ST6GALNAC3: variants seen among roughly 807,000 people sequenced by gnomAD.
ST6GALNAC3 encodes the protein alpha-N-acetylgalactosaminide alpha-2,6-sialyltransferase 3.
In ST6GALNAC3, 25 loss-of-function variants were observed where a neutral mutation model predicts 32.7. The observed-to-expected ratio is 0.76, with a 90% CI of 0.56 to 1.07. ST6GALNAC3 has a LOEUF of 1.07. ST6GALNAC3 is among the 50% of genes least tolerant of loss of function. The pLI is 0.00. For synonymous variants in ST6GALNAC3, 129 were observed against 133.1 expected (o/e 0.97, Z 0.21); for missense variants, 355 against 382.4 (o/e 0.93, Z 0.60).
Position 76,255,286 on chromosome 1 carries a change from G to T in ST6GALNAC3, c.19-58519G>T, listed in dbSNP as rs1570595610. Among the ~76,000 whole-genome samples, 2 of 152,074 alleles carry T rather than the reference G, an allele frequency of 1.3e-5. 1 individual carries two copies. The highest frequency in any genetic ancestry group is 4.2e-4 in the South Asian group (2 of 4,818). The stretch of plus-strand genomic sequence containing the variant: ...TGTTTGCGCTTGGGAGGAATACAAA[G>T]TATTTTCAATACATGGCTAGCATGA... On this transcript the variant is annotated intron_variant, in intron 1 of 4. Coordinates refer to ENST00000328299, the MANE Select transcript of ST6GALNAC3 (RefSeq NM_152996.4).
chr1:76,475,129 G>A (rs1392179794), intron 3 of ST6GALNAC3, among the ~76,000 whole-genome samples: 1 of 152,144 alleles, frequency 6.6e-6, no homozygotes, highest in Non-Finnish European at 1.5e-5. Context: ...AGTCAGGATT[G>A]CTACTTCCCA....
At chr1:76,477,817 A>G (rs1412951332) in intron 3 of ST6GALNAC3, among the ~76,000 whole-genome samples, 1 of 152,176 alleles carries the variant, frequency 6.6e-6, no homozygotes, top group Non-Finnish European at 1.5e-5. Context: ...TGCCAGACAC[A>G]GTTCTAAGTA....
chr1:76,129,896 G>A (rs191355071), intron 1 of ST6GALNAC3, among the ~76,000 whole-genome samples: 8 of 152,170 alleles, frequency 5.3e-5, no homozygotes, highest in South Asian at 4.1e-4. Flanking sequence ...TACCCCTCAC[G>A]ATAGGTCATC....
At chr1:76,269,267 G>A (rs1658706720) in intron 1 of ST6GALNAC3, among the ~76,000 whole-genome samples, 1 of 152,062 alleles carries the variant, frequency 6.6e-6, no homozygotes. Context: ...TCCTTTTAGG[G>A]ATTGTATGGA....
At chr1:76,216,164 C>G (rs1418584386) in intron 1 of ST6GALNAC3, among the ~76,000 whole-genome samples, 1 of 152,146 alleles carries the variant, frequency 6.6e-6, no homozygotes, top group Non-Finnish European at 1.5e-5. Context: ...CTCCAGATAT[C>G]TGGACAATTT....
At chr1:76,556,141 T>A (rs548333829) in intron 3 of ST6GALNAC3, among the ~76,000 whole-genome samples, 18 of 152,284 alleles carry the variant, frequency 1.2e-4, no homozygotes, top group African/African-American at 4.3e-4. Context: ...TGGCCTTTTG[T>A]GTCCAGCTTC....
chr1:76,091,186 G>A (rs1201299573), intron 1 of ST6GALNAC3, among the ~76,000 whole-genome samples: 4 of 152,224 alleles, frequency 2.6e-5, no homozygotes, highest in South Asian at 4.1e-4. Context: ...AATGTGTCAC[G>A]TGTAAAATGA....
intron 1 of ST6GALNAC3, among the ~76,000 whole-genome samples, chr1:76,159,418 A>G (rs1651675208): frequency 6.6e-6 from 1 of 152,196 alleles, no homozygotes; most frequent in Non-Finnish European, 1.5e-5. Context: ...TCCTAGCCTC[A>G]AGTGATCTGC....
intron 3 of ST6GALNAC3, among the ~76,000 whole-genome samples, chr1:76,424,790 G>A (rs2101400036): frequency 6.6e-6 from 1 of 152,032 alleles, no homozygotes; most frequent in East Asian, 1.9e-4. Flanking sequence ...TTTGATGCAA[G>A]GCAAGTTTGG....
At chr1:76,122,945 T>C (rs1648982763) in intron 1 of ST6GALNAC3, among the ~76,000 whole-genome samples, 1 of 152,220 alleles carries the variant, frequency 6.6e-6, no homozygotes, top group Non-Finnish European at 1.5e-5. Flanking sequence ...GAGTGGGGTC[T>C]GTGGACCAGC....
intron 3 of ST6GALNAC3, among the ~76,000 whole-genome samples, chr1:76,467,942 C>T (rs1024447234): frequency 4.6e-5 from 7 of 152,028 alleles, no homozygotes; most frequent in East Asian, 3.9e-4. Context: ...TTTAATGTAA[C>T]GCCAGTGAGG....
chr1:76,094,084 A>G (rs991726077), intron 1 of ST6GALNAC3, among the ~76,000 whole-genome samples: 1 of 152,178 alleles, frequency 6.6e-6, no homozygotes, highest in Non-Finnish European at 1.5e-5. Context: ...CTGCAGGGCA[A>G]CTGACGTTCT....
At chr1:76,259,907 C>T (rs1658127373) in intron 1 of ST6GALNAC3, among the ~76,000 whole-genome samples, 1 of 152,100 alleles carries the variant, frequency 6.6e-6, no homozygotes, top group Non-Finnish European at 1.5e-5. Flanking sequence ...TGTTCTAGAA[C>T]CTGGGATGAC....
intron 3 of ST6GALNAC3, among the ~76,000 whole-genome samples, chr1:76,434,432 A>G (rs944863001): frequency 1.3e-5 from 2 of 152,206 alleles, no homozygotes; most frequent in African/African-American, 2.4e-5. Flanking sequence ...ACAAATCAGC[A>G]TTTTATTTAT....
At chr1:76,205,974 T>C (rs540974088) in intron 1 of ST6GALNAC3, among the ~76,000 whole-genome samples, 2 of 152,346 alleles carry the variant, frequency 1.3e-5, no homozygotes, top group African/African-American at 4.8e-5. Flanking sequence ...CTTACATTAC[T>C]TCACTCTTCA....
chr1:76,630,271 A>G lies in ST6GALNAC3; in HGVS notation c.*1465A>G, dbSNP rs1165118403. ...AGTATCACAAAGGATGGTCTTGGCCATATGCTAGGGCCCCTGTGAAAATAA... is the reference window on the plus strand; with the variant it reads ...AGTATCACAAAGGATGGTCTTGGCCGTATGCTAGGGCCCCTGTGAAAATAA... On this transcript the variant is annotated 3_prime_UTR_variant, in exon 5 of 5. Transcript: ENST00000328299. 5.1e-6 allele frequency: 5 copies of G among 985,134 alleles called. No homozygotes were observed. Among genetic ancestry groups the G allele is most frequent in the African/African-American group, 1.7e-5 (1 of 57,218 alleles). The allele number at this position is 985,134 out of a possible 1,614,324, so 61.0% of individuals were successfully genotyped here.
intron 3 of ST6GALNAC3, among the ~76,000 whole-genome samples, chr1:76,625,725 G>A (rs1415857224): frequency 6.6e-6 from 1 of 151,974 alleles, no homozygotes; most frequent in South Asian, 2.1e-4. Flanking sequence ...AGGCAAAGTT[G>A]TTCGTTACTG....
intron 4 of ST6GALNAC3, 127 bp downstream of exon 4, chr1:76,627,686 C>G: frequency 2.5e-6 from 2 of 801,724 alleles, no homozygotes; most frequent in Non-Finnish European, 4.1e-6. Flanking sequence ...GTGTTCTTTG[C>G]TGACATGACA....
At chr1:76,425,791 G>A (rs942170053) in intron 3 of ST6GALNAC3, among the ~76,000 whole-genome samples, 9 of 151,886 alleles carry the variant, frequency 5.9e-5, no homozygotes. Flanking sequence ...ATGTTCTTGA[G>A]GCAGCAAAAA....
Sources: allele counts gnomAD v4.1 joint callset (sites outside exome capture counted in the v4.1 genomes callset), GRCh38; gene constraint gnomAD v4.1.1; transcripts MANE v1.5; gene names NCBI Gene and HGNC (gene_info 2026-07-23, HGNC 2026-07-21).